Variants in SOS1 observed in about 807,000 individuals in gnomAD.
SOS1 encodes the protein SOS Ras/Rac guanine nucleotide exchange factor 1.
In SOS1, 25 loss-of-function variants were observed where a neutral mutation model predicts 157.6. The ratio of observed to expected loss-of-function variants is 0.16; its 90% CI spans 0.12 to 0.22. The LOEUF (loss-of-function observed/expected upper bound fraction) is 0.22, where lower values mean the gene tolerates loss of function less well. Among genes scored for constraint, SOS1 ranks in the 10% least tolerant of loss-of-function variants. SOS1 has a pLI of 1.00. For missense variants in SOS1, 1,237 were observed against 1,599.1 expected (o/e 0.77, Z 3.86); for synonymous variants, 528 against 534.0 (o/e 0.99, Z 0.16).
At chr2:39,106,113 C>A (rs557768355) in intron 1 of SOS1, among the ~76,000 whole-genome samples, 1 of 151,086 alleles carries the variant, frequency 6.6e-6, no homozygotes, top group African/African-American at 2.4e-5. Context: ...CCAGCTACTT[C>A]GGAGGCTGAT....
chr2:39,045,247 A>AGGGAGG (rs150513425), intron 6 of SOS1, among the ~76,000 whole-genome samples: 1 of 129,308 alleles, frequency 7.7e-6, no homozygotes, highest in Non-Finnish European at 1.6e-5. Context: ...AGAGAGGGAG[A>AGGGAGG]GAGAGAGAGA....
At chr2:39,094,652 C>CAAATAAAT (rs55772987) in intron 1 of SOS1, among the ~76,000 whole-genome samples, 2,327 of 150,942 alleles carry the variant, frequency 0.015, 70 homozygotes, top group African/African-American at 0.052. Flanking sequence ...GACTCGGTCT[C>CAAATAAAT]AAATAAATAA....
chr2:39,045,269 A>AGT (rs1366864918), intron 6 of SOS1, among the ~76,000 whole-genome samples: 1 of 23,342 alleles, frequency 4.3e-5, no homozygotes, highest in African/African-American at 1.1e-4. Flanking sequence ...AGAGAGAGAG[A>AGT]GAGAGTGTGT....
At chr2:39,013,405 C>T (rs766514766) in intron 13 of SOS1, 55 bp downstream of exon 13, 1 of 969,390 alleles carries the variant, frequency 1.0e-6, no homozygotes, top group East Asian at 2.4e-5. Flanking sequence ...TTGATAGTCA[C>T]CGTGTTGGTA....
At chr2:39,046,273 T>A (rs1201628073) in intron 6 of SOS1, among the ~76,000 whole-genome samples, 1 of 152,118 alleles carries the variant, frequency 6.6e-6, no homozygotes, top group Non-Finnish European at 1.5e-5. Context: ...TACATGTTTT[T>A]AAAAATAAAT....
At chr2:39,109,828 T>C (rs1572899158) in intron 1 of SOS1, among the ~76,000 whole-genome samples, 1 of 152,276 alleles carries the variant, frequency 6.6e-6, no homozygotes, top group Admixed American at 6.5e-5. Context: ...TAAAATACTA[T>C]CTGCCATGGT....
Position 39,023,026 on chromosome 2 carries a change from T to C in SOS1, c.1402A>G (p.Met468Val). ...CCATGATTTGATTTACAGCAAATCA[T>C]TAAGCCATCAAAGAGAAATATGTGT... is the stretch of plus-strand genomic sequence containing the variant. The part of the protein sequence containing the change: ...ERHIFLFDGL[M>V]ICCKSNHGQP... The change falls in exon 10 of 23, where the codon ATG becomes GTG. Residue 468 changes from methionine (M) to valine (V), a missense_variant. Transcript: ENST00000402219. The C allele has an allele frequency of 6.2e-7, 1 of 1,613,786 alleles. No homozygotes were observed. Among genetic ancestry groups the C allele is most frequent in the Non-Finnish European group, 8.5e-7 (1 of 1,179,754 alleles).
At chr2:39,025,897 T>C (rs1028307996) in intron 8 of SOS1, among the ~76,000 whole-genome samples, 2 of 152,242 alleles carry the variant, frequency 1.3e-5, no homozygotes, top group Admixed American at 6.5e-5. Context: ...TAAAATACTT[T>C]AATGGTCAAA....
chr2:39,067,161 C>T (rs938936766), intron 2 of SOS1, among the ~76,000 whole-genome samples: 3 of 152,128 alleles, frequency 2.0e-5, no homozygotes, highest in Non-Finnish European at 2.9e-5. Flanking sequence ...CAGGCACATG[C>T]CACCATGCCT....
At position 39,092,141 on chromosome 2, in the gene SOS1, C is replaced by A. The variant is rs558771203; in HGVS notation, c.88-24388G>T. Among the ~76,000 whole-genome samples the A allele has an allele frequency of 3.3e-5, 5 of 152,310 alleles. No individual in the cohort carries two copies. The East Asian group carries it at 9.6e-4, about 29-fold the overall frequency. On this transcript the variant is annotated intron_variant, in intron 1 of 22. Transcript: ENST00000402219. Reference sequence around the variant, plus strand: ...CATGAAGTGGTCCCTGTCTCTGTCTCCAAACGTAATTTTTCTCACTCTTCT... The same window carrying A: ...CATGAAGTGGTCCCTGTCTCTGTCTACAAACGTAATTTTTCTCACTCTTCT...
intron 1 of SOS1, among the ~76,000 whole-genome samples, chr2:39,099,699 G>C (rs1394196892): frequency 3.3e-5 from 5 of 152,010 alleles, no homozygotes; most frequent in Admixed American, 3.3e-4. Flanking sequence ...ACAATCAAAA[G>C]GCACCCTACA....
intron 17 of SOS1, among the ~76,000 whole-genome samples, chr2:39,003,069 A>AAAAAAAACAAAC (rs201312533): frequency 0.17 from 13,332 of 79,126 alleles, 1,133 homozygotes; most frequent in African/African-American, 0.23. Context: ...CTTGTATCAA[A>AAAAAAAACAAAC]AAAAAAAAAG....
In SOS1 at chr2:39,030,244, GA is replaced by G. The variant is rs60498470; in HGVS notation, c.1074+4967del. 2.3e-3 allele frequency among the ~76,000 whole-genome samples: 293 copies of G among 125,602 alleles called. 4 individuals are homozygous for G. Among genetic ancestry groups the G allele is most frequent in the African/African-American group, 6.2e-3 (205 of 33,106 alleles). The allele number at this position is 125,602 out of a possible 152,430, so 82.4% of individuals were successfully genotyped here. On this transcript the variant is annotated intron_variant, in intron 8 of 22. Coordinates refer to ENST00000402219, the MANE Select transcript of SOS1 (RefSeq NM_005633.4). Reference sequence around the variant, plus strand: ...TGGCCTAACACAAAAAAAGAAAACAGAAAAAAAAAAAAAAAAGCGAAAGAGG... The same window carrying G: ...TGGCCTAACACAAAAAAAGAAAACAGAAAAAAAAAAAAAAAGCGAAAGAGG...
At position 39,018,334 on chromosome 2, in the gene SOS1, A is replaced by G. The variant is rs1229658175; in HGVS notation, c.1859-3488T>C. ...TCTACAGTTTTTCCCCCTCATCATT[A>G]GAGATAACATTACTTTGCTACTTGA... On this transcript the variant is annotated intron_variant, in intron 10 of 22. Transcript: ENST00000402219. 3.3e-5 allele frequency among the ~76,000 whole-genome samples: 5 copies of G among 151,852 alleles called. No individual in the cohort carries two copies. The East Asian group carries it at 7.7e-4, about 23-fold the overall frequency.
At chr2:39,116,820 C>T (rs1673667386) in intron 1 of SOS1, among the ~76,000 whole-genome samples, 1 of 152,200 alleles carries the variant, frequency 6.6e-6, no homozygotes, top group Admixed American at 6.5e-5. Context: ...CACTGCACTC[C>T]AGCCTGTTAA....
intron 8 of SOS1, among the ~76,000 whole-genome samples, chr2:39,032,916 G>C (rs1188788011): frequency 6.6e-6 from 1 of 152,070 alleles, no homozygotes; most frequent in Non-Finnish European, 1.5e-5. Context: ...AGTGAGCTGA[G>C]ATCATGCCAC....
chr2:39,100,745 G>C (rs1672937139), intron 1 of SOS1, among the ~76,000 whole-genome samples: 1 of 152,066 alleles, frequency 6.6e-6, no homozygotes, highest in African/African-American at 2.4e-5. Context: ...GTGAGACCCT[G>C]TCTCTACAAA....
At chr2:39,017,125 A>G (rs1481594742) in intron 10 of SOS1, among the ~76,000 whole-genome samples, 1 of 152,054 alleles carries the variant, frequency 6.6e-6, no homozygotes, top group Admixed American at 6.6e-5. Context: ...GGGCTGGAAG[A>G]GATGTAACTA....
At chr2:38,991,139 A>G (rs1033540554) in intron 20 of SOS1, among the ~76,000 whole-genome samples, 1 of 151,860 alleles carries the variant, frequency 6.6e-6, no homozygotes, top group African/African-American at 2.4e-5. Context: ...AGATGATACT[A>G]TACAGTCAGG....
Sources: allele counts gnomAD v4.1 joint callset (sites outside exome capture counted in the v4.1 genomes callset), GRCh38; gene constraint gnomAD v4.1.1; transcripts MANE v1.5; gene names NCBI Gene and HGNC (gene_info 2026-07-23, HGNC 2026-07-21).